OPCML: variants seen among roughly 807,000 people sequenced by gnomAD.
OPCML encodes the protein opioid-binding protein/cell adhesion molecule.
Under a neutral mutation model 37.8 loss-of-function variants are expected in OPCML, and 13 were observed. That is an observed-to-expected ratio of 0.34 (90% CI 0.22 to 0.55). The LOEUF (loss-of-function observed/expected upper bound fraction) is 0.55, where lower values mean the gene tolerates loss of function less well. Ranked by LOEUF, OPCML falls within the 20% of genes least tolerant of loss-of-function variation. OPCML has a pLI of 0.91. For missense variants in OPCML, 341 were observed against 435.6 expected, an observed-to-expected ratio of 0.78 and a Z score of 1.93; for synonymous variants, 176 against 168.8, an observed-to-expected ratio of 1.04 and a Z score of -0.33.
chr11:132,975,863 C>T (rs893172219), intron 1 of OPCML, among the ~76,000 whole-genome samples: 8 of 152,120 alleles, frequency 5.3e-5, no homozygotes, highest in Non-Finnish European at 8.8e-5. Context: ...CTCCACCTCC[C>T]GGGTTCACAC....
chr11:132,552,622 T>C (rs1179502345), intron 3 of OPCML, among the ~76,000 whole-genome samples: 2 of 152,174 alleles, frequency 1.3e-5, no homozygotes, highest in Non-Finnish European at 2.9e-5. Context: ...ACATAGCTAT[T>C]ATTCCCTGCG....
intron 3 of OPCML, among the ~76,000 whole-genome samples, chr11:132,617,580 T>C (rs1309231076): frequency 6.6e-6 from 1 of 152,212 alleles, no homozygotes; most frequent in East Asian, 1.9e-4. Context: ...ACTGTCTCAG[T>C]CTTCTCAGGC....
intron 1 of OPCML, among the ~76,000 whole-genome samples, chr11:133,483,627 G>A (rs186031409): frequency 2.1e-4 from 32 of 151,204 alleles, no homozygotes; most frequent in African/African-American, 5.8e-4. Flanking sequence ...TAGATAAATA[G>A]ATATATAGAT....
chr11:133,532,389 C>A lies in OPCML; in HGVS notation c.-65G>T, dbSNP rs750863346. 207 of 1,571,384 alleles carry A rather than the reference C, an allele frequency of 1.3e-4. No homozygotes were observed. Among genetic ancestry groups the A allele is most frequent in the Admixed American group, 3.5e-4 (20 of 56,788 alleles). Reference sequence around the variant, plus strand: ...GCTTCTGCTGCTGCTACCGCTGCTGCCTTCCTCTGTGCTGAATTCTGAGCA... The same window carrying A: ...GCTTCTGCTGCTGCTACCGCTGCTGACTTCCTCTGTGCTGAATTCTGAGCA... On this transcript the variant is annotated 5_prime_UTR_variant, in exon 1 of 8. Coordinates refer to ENST00000524381, the MANE Select transcript of OPCML (RefSeq NM_001012393.5).
At chr11:133,388,881 C>A (rs7104713) in intron 1 of OPCML, among the ~76,000 whole-genome samples, 4,372 of 152,300 alleles carry the variant, frequency 0.029, 205 homozygotes, top group African/African-American at 0.098. Flanking sequence ...TGTGTGCAAG[C>A]CATGGTCATT....
rs567059520 is a variant in OPCML at position 132,837,316 on chromosome 11, A to G, written c.146+105610T>C. Among the ~76,000 whole-genome samples the G allele has an allele frequency of 1.9e-4, 29 of 151,452 alleles. No individual in the cohort carries two copies. In the South Asian group the frequency reaches 6.0e-3, roughly 32 times the overall value. On this transcript the variant is annotated intron_variant, in intron 2 of 7. Transcript: ENST00000524381. ...CAACAAGAGCAAAATTCCATCTCAA[A>G]AACAAACAAGCAAACAAACAAACAA... is the stretch of plus-strand genomic sequence containing the variant.
intron 4 of OPCML, among the ~76,000 whole-genome samples, chr11:132,494,995 C>G (rs1453791046): frequency 6.6e-6 from 1 of 151,018 alleles, no homozygotes; most frequent in Non-Finnish European, 1.5e-5. Context: ...AGGATTTTCT[C>G]TCTCAACAAT....
chr11:132,835,206 G>C (rs1473972955), intron 2 of OPCML, among the ~76,000 whole-genome samples: 12 of 152,156 alleles, frequency 7.9e-5, no homozygotes. Context: ...CATGAGAGAG[G>C]TTTCATATTC....
At chr11:132,905,211 A>T (rs1014496328) in intron 2 of OPCML, among the ~76,000 whole-genome samples, 7 of 148,434 alleles carry the variant, frequency 4.7e-5, no homozygotes, top group Non-Finnish European at 8.9e-5. Context: ...CAGAGCTGGG[A>T]CTAGAAAGCA....
intron 2 of OPCML, among the ~76,000 whole-genome samples, chr11:132,882,356 G>T (rs771408697): frequency 1.3e-5 from 2 of 152,198 alleles, no homozygotes; most frequent in Admixed American, 6.5e-5. Context: ...TTCCTATCAT[G>T]CTGGGAATAA....
chr11:133,390,637 C>T (rs1565609323), intron 1 of OPCML, among the ~76,000 whole-genome samples: 1 of 152,060 alleles, frequency 6.6e-6, no homozygotes, highest in African/African-American at 2.4e-5. Flanking sequence ...AAGAAGACTT[C>T]CTGGAAGAGG....
chr11:133,270,494 G>A (rs868747404), intron 1 of OPCML, among the ~76,000 whole-genome samples: 1 of 152,072 alleles, frequency 6.6e-6, no homozygotes, highest in Admixed American at 6.5e-5. Flanking sequence ...GATTGTTTTA[G>A]GAAAGAAATA....
chr11:132,987,690 T>C (rs1946705020), intron 1 of OPCML, among the ~76,000 whole-genome samples: 1 of 152,024 alleles, frequency 6.6e-6, no homozygotes, highest in Admixed American at 6.6e-5. Context: ...TGAGAATGGA[T>C]ATGGAGAGAA....
intron 1 of OPCML, among the ~76,000 whole-genome samples, chr11:133,172,358 T>A (rs551198913): frequency 2.6e-5 from 4 of 152,286 alleles, no homozygotes; most frequent in African/African-American, 9.6e-5. Flanking sequence ...AAAAGGCCTG[T>A]CAGAGAAGCA....
intron 1 of OPCML, among the ~76,000 whole-genome samples, chr11:133,457,637 T>G (rs1344685036): frequency 1.3e-5 from 2 of 152,156 alleles, no homozygotes; most frequent in Non-Finnish European, 2.9e-5. Flanking sequence ...ATATATGGTC[T>G]CACTCTGTAT....
intron 1 of OPCML, among the ~76,000 whole-genome samples, chr11:133,309,117 T>C (rs1943006433): frequency 6.6e-6 from 1 of 152,096 alleles, no homozygotes; most frequent in Non-Finnish European, 1.5e-5. Flanking sequence ...TGATGAATAC[T>C]CAAAAAAATG....
At chr11:132,800,388 TTGTTTA>T (rs997122719) in intron 2 of OPCML, among the ~76,000 whole-genome samples, 1 of 152,150 alleles carries the variant, frequency 6.6e-6, no homozygotes, top group African/African-American at 2.4e-5. Context: ...ATTTTTAAAT[TTGTTTA>T]TGTTTGTTTG....
At chr11:132,941,185 T>C (rs1945565240) in intron 2 of OPCML, among the ~76,000 whole-genome samples, 1 of 152,158 alleles carries the variant, frequency 6.6e-6, no homozygotes, top group Non-Finnish European at 1.5e-5. Context: ...TTGAAGATCA[T>C]GAAAACAGGC....
intron 1 of OPCML, among the ~76,000 whole-genome samples, chr11:133,525,064 G>A (rs1209111357): frequency 6.6e-6 from 1 of 152,224 alleles, no homozygotes; most frequent in East Asian, 1.9e-4. Context: ...GTCTCTGCCT[G>A]TATAAACAAT....
Sources: allele counts gnomAD v4.1 joint callset (sites outside exome capture counted in the v4.1 genomes callset), GRCh38; gene constraint gnomAD v4.1.1; transcripts MANE v1.5; gene names NCBI Gene and HGNC (gene_info 2026-07-23, HGNC 2026-07-21).